The following PCDHA4 variants were observed in gnomAD, a reference collection of about 807,000 sequenced individuals.
PCDHA4 encodes protocadherin alpha-4.
In PCDHA4, 49 loss-of-function variants were observed where a neutral mutation model predicts 61.4. The observed-to-expected ratio is 0.80, with a 90% confidence interval of 0.63 to 1.01. The LOEUF (loss-of-function observed/expected upper bound fraction) is 1.01. PCDHA4 is among the 50% of genes least tolerant of loss of function. PCDHA4 has a pLI of 0.00. For missense variants in PCDHA4, 1,254 were observed against 1,235.8 expected, an observed-to-expected ratio of 1.01 and a Z score of -0.22; for synonymous variants, 590 against 550.3, an observed-to-expected ratio of 1.07 and a Z score of -1.01.
intron 1 of PCDHA4, chr5:140,842,702 A>G (rs1554139288): frequency 2.5e-6 from 4 of 1,595,028 alleles, no homozygotes; most frequent in Non-Finnish European, 1.7e-6. Flanking sequence ...GCCCGAGTAC[A>G]CGGTGTTCGT....
chr5:140,966,712 TG>T, intron 1 of PCDHA4: 1 of 1,392,090 alleles, frequency 7.2e-7, no homozygotes, highest in South Asian at 1.6e-5. Context: ...GGGGCACGGC[TG>T]GGGAAGCTGC....
In PCDHA4 at chr5:140,992,017, CTGTGTG is replaced by C. The variant is rs10602499; in HGVS notation, c.2533+9486_2533+9491del. On this transcript the variant is annotated intron_variant, in intron 3 of 3. Coordinates refer to ENST00000530339, the MANE Select transcript of PCDHA4 (RefSeq NM_018907.4). ...CTTTCATGTTCAGGCAGAGGTGGCT[CTGTGTG>C]TGTGTGTGTGTGTGTGTGTGTGTGT... 2.1e-3 allele frequency among the ~76,000 whole-genome samples: 300 copies of C among 145,496 alleles called. 2 individuals carry two copies. The highest frequency in any genetic ancestry group is 4.8e-3 in the African/African-American group (189 of 39,270).
chr5:140,938,118 T>G (rs1554211986), intron 1 of PCDHA4, among the ~76,000 whole-genome samples: 1 of 152,178 alleles, frequency 6.6e-6, no homozygotes. Context: ...TCTCTCTTTT[T>G]TTAAAAAAAT....
intron 3 of PCDHA4, among the ~76,000 whole-genome samples, chr5:140,988,245 G>C (rs17286877): frequency 0.027 from 4,184 of 152,286 alleles, 88 homozygotes; most frequent in Non-Finnish European, 0.043. Flanking sequence ...GAGTGGGGCA[G>C]CTCCCGCCTG....
intron 1 of PCDHA4, chr5:140,810,600 A>G (rs1040320772): frequency 6.6e-6 from 1 of 152,078 alleles, no homozygotes; most frequent in African/African-American, 2.4e-5. Context: ...TTATTTTGGC[A>G]ATTTTTATAC....
intron 1 of PCDHA4, among the ~76,000 whole-genome samples, chr5:140,960,822 T>C (rs1225829114): frequency 4.6e-5 from 7 of 152,080 alleles, no homozygotes; most frequent in African/African-American, 1.7e-4. Context: ...AAGTGATGAA[T>C]GGAAACTTGG....
At chr5:140,827,797 T>C (rs1488725700) in intron 1 of PCDHA4, among the ~76,000 whole-genome samples, 3 of 152,216 alleles carry the variant, frequency 2.0e-5, no homozygotes, top group Non-Finnish European at 4.4e-5. Flanking sequence ...CCGTGCAAAT[T>C]ACAAACGTGA....
rs2150320431 is a variant in PCDHA4 at position 140,841,664 on chromosome 5, C to A, written c.2385+32092C>A. ...GGAGGTGATCGTGGACAGGCCGCTGCAGGTTTTCCATGTGGACGTGGAGGT... is the reference window on the plus strand; with the variant it reads ...GGAGGTGATCGTGGACAGGCCGCTGAAGGTTTTCCATGTGGACGTGGAGGT... On this transcript the variant is annotated intron_variant, in intron 1 of 3. Coordinates refer to ENST00000530339, the MANE Select transcript of PCDHA4 (RefSeq NM_018907.4). 3 of 1,613,958 alleles carry A rather than the reference C, an allele frequency of 1.9e-6. No homozygotes were observed. In the African/African-American group the frequency reaches 4.0e-5, roughly 22 times the overall value.
rs782448077 is a variant in PCDHA4 at position 140,870,373 on chromosome 5, G to T, written c.2385+60801G>T. 68 of 1,614,118 alleles carry T rather than the reference G, an allele frequency of 4.2e-5. No individual in the cohort carries two copies. In the Admixed American group the frequency reaches 5.3e-4, roughly 13 times the overall value. On this transcript the variant is annotated intron_variant, in intron 1 of 3. Coordinates refer to ENST00000530339, the MANE Select transcript of PCDHA4 (RefSeq NM_018907.4). The stretch of plus-strand genomic sequence containing the variant: ...GAACGTGTGGGCCTATGAACTGGTG[G>T]TGACTGCGCGGGATGGGGGTTCGCC...
At chr5:140,846,712 C>T (rs1014332332) in intron 1 of PCDHA4, among the ~76,000 whole-genome samples, 3 of 149,228 alleles carry the variant, frequency 2.0e-5, no homozygotes, top group Non-Finnish European at 4.5e-5. Flanking sequence ...ATTGTAATAA[C>T]CAGTCTTCAT....
chr5:140,876,376 A>G (rs2056310624), intron 1 of PCDHA4: 1 of 1,613,840 alleles, frequency 6.2e-7, no homozygotes, highest in African/African-American at 1.3e-5. Flanking sequence ...CACAGGTGAA[A>G]TTAGAATTTA....
intron 1 of PCDHA4, among the ~76,000 whole-genome samples, chr5:140,942,962 A>G (rs2153660638): frequency 6.6e-6 from 1 of 152,216 alleles, no homozygotes; most frequent in South Asian, 2.1e-4. Flanking sequence ...CTGTTATCAG[A>G]ATTAAATTTT....
intron 3 of PCDHA4, among the ~76,000 whole-genome samples, chr5:141,003,801 A>T (rs1554259323): frequency 1.3e-5 from 2 of 152,172 alleles, no homozygotes; most frequent in African/African-American, 4.8e-5. Context: ...ATTGGGTTGT[A>T]ATCTGTAGTC....
intron 1 of PCDHA4, chr5:140,882,313 G>A (rs2059060330): frequency 1.2e-6 from 2 of 1,614,128 alleles, no homozygotes; most frequent in Non-Finnish European, 1.7e-6. Flanking sequence ...GGCAACTACT[G>A]CTCTGGCTTC....
chr5:141,000,173 C>T (rs2097895007), intron 3 of PCDHA4, among the ~76,000 whole-genome samples: 1 of 151,968 alleles, frequency 6.6e-6, no homozygotes, highest in Non-Finnish European at 1.5e-5. Flanking sequence ...ATTATTGAGC[C>T]AAGGAGTCAA....
chr5:141,000,412 TATATATATA>T (rs1297219533), intron 3 of PCDHA4, among the ~76,000 whole-genome samples: 3 of 102,772 alleles, frequency 2.9e-5, no homozygotes, highest in Admixed American at 1.2e-4. Flanking sequence ...TATATATATA[TATATATATA>T]TTTTTTTTTT....
chr5:140,964,472 T>A (rs1160731930), intron 1 of PCDHA4, among the ~76,000 whole-genome samples: 1 of 152,074 alleles, frequency 6.6e-6, no homozygotes, highest in Non-Finnish European at 1.5e-5. Context: ...GTGCCTATGA[T>A]TTTTTCACAG....
rs183311315 is a variant in PCDHA4, at chr5:140,913,513, T to C, written c.2386-65436T>C. ...AGTCTGTTTAAAACTTTGTCAATTTTATTTATCTTTTCAAAAGATTGACTT... is the reference window on the plus strand; with the variant it reads ...AGTCTGTTTAAAACTTTGTCAATTTCATTTATCTTTTCAAAAGATTGACTT... On this transcript the variant is annotated intron_variant, in intron 1 of 3. Coordinates refer to ENST00000530339, the MANE Select transcript of PCDHA4 (RefSeq NM_018907.4). Among the ~76,000 whole-genome samples, 393 of 152,272 alleles carry C rather than the reference T, an allele frequency of 2.6e-3. 2 individuals are homozygous for C. The highest frequency in any genetic ancestry group is 9.2e-3 in the African/African-American group (382 of 41,572).
intron 1 of PCDHA4, among the ~76,000 whole-genome samples, chr5:140,975,016 G>C (rs782435284): frequency 6.6e-6 from 1 of 152,128 alleles, no homozygotes; most frequent in Non-Finnish European, 1.5e-5. Context: ...AACACAGCTG[G>C]GCTGTGTTGT....
Sources: gnomAD v4.1 joint callset for allele counts (sites outside exome capture counted in the v4.1 genomes callset) on GRCh38, gnomAD v4.1.1 for gene constraint, MANE v1.5 for transcripts, NCBI Gene and HGNC (gene_info 2026-07-23, HGNC 2026-07-21) for gene names.